The following TACC2 variants were observed in gnomAD, a reference collection of about 807,000 sequenced individuals.
The protein encoded by TACC2 is transforming acidic coiled-coil-containing protein 2.
In TACC2, 137 loss-of-function variants were observed where a neutral mutation model predicts 227.3. The observed-to-expected ratio is 0.60, with a 90% CI of 0.52 to 0.69. The LOEUF (loss-of-function observed/expected upper bound fraction) is 0.69, where lower values mean the gene tolerates loss of function less well. TACC2 is among the 30% of genes least tolerant of loss of function. TACC2 has a pLI of 0.00. For synonymous variants in TACC2, 1,523 were observed against 1,487.5 expected (o/e 1.02, Z -0.55); for missense variants, 3,470 against 3,694.4 (o/e 0.94, Z 1.57).
chr10:122,088,630 C>T (rs753377264), intron 5 of TACC2, 39 bp downstream of exon 5: 1 of 1,596,216 alleles, frequency 6.3e-7, no homozygotes, highest in Middle Eastern at 1.7e-4. Flanking sequence ...GCCATGATGC[C>T]TTCCTTAGAT....
At chr10:122,241,376 C>T (rs930740486) in intron 18 of TACC2, among the ~76,000 whole-genome samples, 15 of 152,192 alleles carry the variant, frequency 9.9e-5, no homozygotes, top group African/African-American at 3.6e-4. Flanking sequence ...ACTGTAGCCT[C>T]AGACTCCTGG....
intron 8 of TACC2, among the ~76,000 whole-genome samples, chr10:122,203,234 G>A (rs1347957809): frequency 2.0e-5 from 3 of 148,356 alleles, no homozygotes; most frequent in African/African-American, 5.2e-5. Flanking sequence ...CAGTAGGGGC[G>A]GCCGGGCAGA....
rs1420829571 is a variant in TACC2, at chr10:122,147,458, T to TC, written c.5834+3757dup. Among the ~76,000 whole-genome samples, 4 of 152,142 alleles carry TC rather than the reference T, an allele frequency of 2.6e-5. No homozygotes were observed. In the East Asian group the frequency reaches 7.7e-4, roughly 29 times the overall value. On this transcript the variant is annotated intron_variant, in intron 7 of 22. Transcript: ENST00000369005. ...CTGCGCCCCGCCAAGTTCCTTTTTT[T>TC]CCCCCATTTCAGTACTGTCGTCTGT...
intron 16 of TACC2, among the ~76,000 whole-genome samples, chr10:122,236,656 A>G (rs1205844320): frequency 6.6e-6 from 1 of 152,184 alleles, no homozygotes. Context: ...CTCAACCAAC[A>G]TCAGTTGGGT....
intron 22 of TACC2, among the ~76,000 whole-genome samples, chr10:122,252,263 T>G (rs1302138341): frequency 6.6e-6 from 1 of 152,212 alleles, no homozygotes; most frequent in Non-Finnish European, 1.5e-5. Context: ...TCTGACTGGC[T>G]GTGTGACCTT....
intron 5 of TACC2, among the ~76,000 whole-genome samples, chr10:122,131,114 G>A (rs1565386484): frequency 6.6e-6 from 1 of 150,508 alleles, no homozygotes; most frequent in Non-Finnish European, 1.5e-5. Context: ...GGAAGTTGAG[G>A]TTACAGTGAG....
chr10:122,170,683 A>G (rs1010984993), intron 7 of TACC2, among the ~76,000 whole-genome samples: 4 of 152,162 alleles, frequency 2.6e-5, no homozygotes, highest in African/African-American at 7.2e-5. Flanking sequence ...TCCATGGTTA[A>G]AACCTGTATC....
chr10:122,120,658 A>G (rs571154100), intron 5 of TACC2, among the ~76,000 whole-genome samples: 1 of 152,280 alleles, frequency 6.6e-6, no homozygotes, highest in East Asian at 1.9e-4. Flanking sequence ...TTCTGCTGTC[A>G]CATTGCTCAC....
At chr10:122,057,828 A>AAAAAAC (rs1163876017) in intron 3 of TACC2, among the ~76,000 whole-genome samples, 1 of 152,092 alleles carries the variant, frequency 6.6e-6, no homozygotes, top group Non-Finnish European at 1.5e-5. Context: ...CTCCGTCTCA[A>AAAAAAC]AAAAACAAAA....
At chr10:122,122,215 T>C (rs6585791) in intron 5 of TACC2, among the ~76,000 whole-genome samples, 144,343 of 151,666 alleles carry the variant, frequency 0.95, 68,907 homozygotes, top group East Asian at 1. Flanking sequence ...ATTAGCCGGG[T>C]GTGGTGGTGG....
intron 5 of TACC2, among the ~76,000 whole-genome samples, chr10:122,127,890 A>AT: frequency 6.6e-6 from 1 of 152,192 alleles, no homozygotes; most frequent in Non-Finnish European, 1.5e-5. Context: ...GTCTATACAC[A>AT]TATGTGTTTA....
At position 122,207,192 on chromosome 10, in the gene TACC2, G is replaced by A. The variant is rs145909762; in HGVS notation, c.5972-3205G>A. ...CACACACCTGTAATCCCAGCTACTC[G>A]GGAGGCTCAGACAAGAGAATCACTT... On this transcript the variant is annotated intron_variant, in intron 8 of 22. Transcript: ENST00000369005. Among the ~76,000 whole-genome samples the A allele has an allele frequency of 2.0e-5, 3 of 152,090 alleles. No individual in the cohort carries two copies. In the East Asian group the frequency reaches 5.8e-4, roughly 29 times the overall value.
At chr10:122,206,118 G>A (rs2095098140) in intron 8 of TACC2, among the ~76,000 whole-genome samples, 1 of 152,084 alleles carries the variant, frequency 6.6e-6, no homozygotes, top group Admixed American at 6.5e-5. Flanking sequence ...GGATGGAGAG[G>A]CGCCAGTGCG....
rs532286140 is a variant in TACC2 at position 122,165,758 on chromosome 10, C to G, written c.5834+22052C>G. Among the ~76,000 whole-genome samples, 4 of 152,316 alleles carry G rather than the reference C, an allele frequency of 2.6e-5. No homozygotes were observed. The South Asian group carries it at 8.3e-4, about 32-fold the overall frequency. ...ATAGATCTTTACGATAGTATATTCA[C>G]TCATTCACAAAATCCCACCCTCCAT... On this transcript the variant is annotated intron_variant, in intron 7 of 22. Transcript: ENST00000369005.
chr10:122,101,067 G>C (rs968529813), intron 5 of TACC2, among the ~76,000 whole-genome samples: 1 of 152,112 alleles, frequency 6.6e-6, no homozygotes, highest in Admixed American at 6.5e-5. Context: ...TTTAAGACAG[G>C]GGCAAGTGTA....
chr10:122,132,849 C>T (rs2088640942), intron 6 of TACC2, 115 bp downstream of exon 6: 1 of 1,033,666 alleles, frequency 9.7e-7, no homozygotes, highest in East Asian at 2.7e-5. Flanking sequence ...GCAGTTTCAC[C>T]CCCTCTGCAC....
chr10:122,022,118 A>C, intron 2 of TACC2, 104 bp downstream of exon 2: 1 of 1,163,586 alleles, frequency 8.6e-7, no homozygotes, highest in East Asian at 2.4e-5. Flanking sequence ...GGAGCAAACA[A>C]GACAGCTTCT....
At chr10:122,130,084 G>T (rs2087749786) in intron 5 of TACC2, among the ~76,000 whole-genome samples, 1 of 152,162 alleles carries the variant, frequency 6.6e-6, no homozygotes, top group Non-Finnish European at 1.5e-5. Context: ...TGCAATCTCT[G>T]CCTCCCAGGT....
Position 122,085,808 on chromosome 10 carries a change from G to A in TACC2, c.3308G>A (p.Trp1103Ter), listed in dbSNP as rs765760444. The A allele has an allele frequency of 4.7e-5, 75 of 1,612,816 alleles. No homozygotes were observed. The highest frequency in any genetic ancestry group is 1.6e-4 in the Middle Eastern group (1 of 6,084). ...GCCCCGCAGCAGAAAATGGAGTGCTGGGCCACTTCGGATGCAGAGTCCCCA... is the reference window on the plus strand; with the variant it reads ...GCCCCGCAGCAGAAAATGGAGTGCTAGGCCACTTCGGATGCAGAGTCCCCA... Reference protein sequence around the residue: ...VPAPQQKMECWATSDAESPKL... With the variant: ...VPAPQQKMEC The change falls in exon 4 of 23, where the codon TGG becomes TAG. Residue 1103 changes from tryptophan (W) to a stop codon, truncating the protein, a stop_gained. Coordinates refer to ENST00000369005, the MANE Select transcript of TACC2 (RefSeq NM_206862.4). LOFTEE classifies it high-confidence loss of function.
Sources: gnomAD v4.1 joint callset for allele counts (sites outside exome capture counted in the v4.1 genomes callset) on GRCh38, gnomAD v4.1.1 for gene constraint, MANE v1.5 for transcripts, NCBI Gene and HGNC (gene_info 2026-07-23, HGNC 2026-07-21) for gene names.